ZCCHC17: variants seen among roughly 807,000 people sequenced by gnomAD.
The protein encoded by ZCCHC17 is zinc finger CCHC domain-containing protein 17.
ZCCHC17 carries 18 observed loss-of-function variants against 30.6 expected under a neutral mutation model. The ratio of observed to expected loss-of-function variants is 0.59; its 90% CI spans 0.41 to 0.87. The LOEUF (loss-of-function observed/expected upper bound fraction) is 0.87. Among genes scored for constraint, ZCCHC17 ranks in the 40% least tolerant of loss-of-function variants. ZCCHC17 has a pLI of 0.00. For missense variants in ZCCHC17, 263 were observed against 284.2 expected, an observed-to-expected ratio of 0.93 and a Z score of 0.54; for synonymous variants, 88 against 92.4, an observed-to-expected ratio of 0.95 and a Z score of 0.27.
rs976312907 is a variant in ZCCHC17 at position 31,337,168 on chromosome 1, T to G, written c.125-7T>G. 3 of 1,612,590 alleles carry G rather than the reference T, an allele frequency of 1.9e-6. No individual in the cohort carries two copies. Among genetic ancestry groups the G allele is most frequent in the Non-Finnish European group, 2.5e-6 (3 of 1,178,890 alleles). On this transcript the variant is annotated splice_polypyrimidine_tract_variant and splice_region_variant and intron_variant, in intron 3 of 7. Transcript: ENST00000344147. The stretch of plus-strand genomic sequence containing the variant: ...TGCTTTACGTTATTTCTTCTTCTTG[T>G]GCCCAGGTCTGGTCCATCGAACTCA...
At chr1:31,299,225 G>T (rs1233847268) in intron 1 of ZCCHC17, among the ~76,000 whole-genome samples, 1 of 152,190 alleles carries the variant, frequency 6.6e-6, no homozygotes, top group African/African-American at 2.4e-5. Flanking sequence ...CCAGGATCCA[G>T]TTGAGGATCC....
chr1:31,336,767 C>T (rs751526024), intron 3 of ZCCHC17, among the ~76,000 whole-genome samples: 4 of 151,560 alleles, frequency 2.6e-5, no homozygotes, highest in Non-Finnish European at 5.9e-5. Flanking sequence ...TGGGCTCATG[C>T]GATCCTCCCA....
chr1:31,319,075 A>G, intron 2 of ZCCHC17, 34 bp from the exon 3 acceptor site: 1 of 1,595,370 alleles, frequency 6.3e-7, no homozygotes, highest in African/African-American at 1.3e-5. Flanking sequence ...ATTCTCATGT[A>G]TGTGACATTG....
chr1:31,320,561 GAAT>G (rs576844296), intron 3 of ZCCHC17, among the ~76,000 whole-genome samples: 13 of 152,212 alleles, frequency 8.5e-5, no homozygotes, highest in Admixed American at 5.2e-4. Context: ...CTTGTAAATG[GAAT>G]AATGCAGTAT....
chr1:31,310,754 A>C (rs1297900396), intron 2 of ZCCHC17, among the ~76,000 whole-genome samples: 1 of 152,244 alleles, frequency 6.6e-6, no homozygotes, highest in Non-Finnish European at 1.5e-5. Context: ...AGTAACACAG[A>C]ACATACTGAG....
chr1:31,326,579 GGCATATGT>G (rs1483971241), intron 3 of ZCCHC17, among the ~76,000 whole-genome samples: 1 of 152,112 alleles, frequency 6.6e-6, no homozygotes, highest in African/African-American at 2.4e-5. Context: ...TTCTAATTTG[GGCATATGT>G]GACACTTTGG....
intron 3 of ZCCHC17, among the ~76,000 whole-genome samples, chr1:31,320,248 G>A: frequency 6.6e-6 from 1 of 152,128 alleles, no homozygotes; most frequent in East Asian, 1.9e-4. Flanking sequence ...TATACTGAGT[G>A]AAAAAAGCTA....
At chr1:31,301,721 T>G (rs1207066293) in intron 1 of ZCCHC17, among the ~76,000 whole-genome samples, 1 of 152,226 alleles carries the variant, frequency 6.6e-6, no homozygotes, top group Non-Finnish European at 1.5e-5. Flanking sequence ...CTAAGAGTAA[T>G]AGGTTTAATT....
intron 5 of ZCCHC17, 30 bp from the exon 6 acceptor site, chr1:31,346,610 G>A: frequency 6.3e-7 from 1 of 1,587,342 alleles, no homozygotes; most frequent in African/African-American, 1.3e-5. Context: ...CTCTTAAGGG[G>A]GCCGGCAGTC....
intron 3 of ZCCHC17, among the ~76,000 whole-genome samples, chr1:31,327,631 T>C (rs1301116472): frequency 6.6e-6 from 1 of 152,174 alleles, no homozygotes; most frequent in Non-Finnish European, 1.5e-5. Flanking sequence ...ACCCACCCAT[T>C]AGTCCCTTAG....
At chr1:31,355,797 G>T (rs2148478003) in intron 7 of ZCCHC17, among the ~76,000 whole-genome samples, 1 of 152,228 alleles carries the variant, frequency 6.6e-6, no homozygotes, top group East Asian at 1.9e-4. Flanking sequence ...CTATTGATTT[G>T]TTTCTGCTCA....
At position 31,348,720 on chromosome 1, in the gene ZCCHC17, A is replaced by G; in HGVS notation, c.419-109A>G. 3 of 1,353,916 alleles carry G rather than the reference A, an allele frequency of 2.2e-6. No homozygotes were observed. In the South Asian group the frequency reaches 3.6e-5, roughly 16 times the overall value. The allele number at this position is 1,353,916 out of a possible 1,614,324, so 83.9% of individuals were successfully genotyped here. Reference sequence around the variant, plus strand: ...AACAGCTGCTTTGAATGAACTCAACAATATTTCCTGAGCCAGCTAGCCCAT... The same window carrying G: ...AACAGCTGCTTTGAATGAACTCAACGATATTTCCTGAGCCAGCTAGCCCAT... On this transcript the variant is annotated intron_variant, in intron 6 of 7. Transcript: ENST00000344147.
chr1:31,348,709 A>G (rs1639361564), intron 6 of ZCCHC17, 120 bp from the exon 7 acceptor site: 3 of 1,220,346 alleles, frequency 2.5e-6, no homozygotes, highest in African/African-American at 1.5e-5. Context: ...GCTGCTTTGA[A>G]TGAACTCAAC....
intron 2 of ZCCHC17, 110 bp downstream of exon 2, chr1:31,310,274 T>A: frequency 9.2e-7 from 1 of 1,087,002 alleles, no homozygotes; most frequent in Non-Finnish European, 1.3e-6. Context: ...CATTACAGCT[T>A]AAATGGGAAG....
chr1:31,299,892 A>C (rs1395499527), intron 1 of ZCCHC17, among the ~76,000 whole-genome samples: 1 of 152,168 alleles, frequency 6.6e-6, no homozygotes, highest in Non-Finnish European at 1.5e-5. Context: ...CTGAAGAAAA[A>C]GGGGAGGGCT....
At chr1:31,319,442 T>G (rs557624302) in intron 3 of ZCCHC17, among the ~76,000 whole-genome samples, 1 of 152,300 alleles carries the variant, frequency 6.6e-6, no homozygotes, top group South Asian at 2.1e-4. Context: ...GGCAAATCAC[T>G]TGACTTCTTT....
chr1:31,330,308 T>C (rs1029104004), intron 3 of ZCCHC17, among the ~76,000 whole-genome samples: 1 of 152,202 alleles, frequency 6.6e-6, no homozygotes, highest in Admixed American at 6.5e-5. Context: ...AGGTTTCGTT[T>C]TTTTCCTGTT....
At chr1:31,345,869 A>G (rs949451123) in intron 5 of ZCCHC17, among the ~76,000 whole-genome samples, 2 of 151,796 alleles carry the variant, frequency 1.3e-5, no homozygotes, top group African/African-American at 2.4e-5. Flanking sequence ...CCATTATCCA[A>G]TCACCTCCCA....
rs937695360 is a variant in ZCCHC17, at chr1:31,328,689, A to G, written c.125-8486A>G. Reference sequence around the variant, plus strand: ...TAGGGTATGGCTGGAGTGGAGTGGGATCGGGTAAGGTGTGGTGGGGAGCTT... The same window carrying G: ...TAGGGTATGGCTGGAGTGGAGTGGGGTCGGGTAAGGTGTGGTGGGGAGCTT... On this transcript the variant is annotated intron_variant, in intron 3 of 7. Transcript: ENST00000344147. Among the ~76,000 whole-genome samples the G allele has an allele frequency of 4.6e-5, 7 of 152,168 alleles. No individual in the cohort carries two copies. In the East Asian group the frequency reaches 1.2e-3, roughly 25 times the overall value.
Sources: gnomAD v4.1 joint callset for allele counts (sites outside exome capture counted in the v4.1 genomes callset) on GRCh38, gnomAD v4.1.1 for gene constraint, MANE v1.5 for transcripts, NCBI Gene and HGNC (gene_info 2026-07-23, HGNC 2026-07-21) for gene names.